Variants in AKT3 observed in about 807,000 individuals in gnomAD.
AKT3 encodes the protein AKT serine/threonine kinase 3.
Under a neutral mutation model 65.3 loss-of-function variants are expected in AKT3, and 15 were observed. The ratio of observed to expected loss-of-function variants is 0.23; its 90% CI spans 0.15 to 0.35. The LOEUF (loss-of-function observed/expected upper bound fraction) is 0.35, where lower values mean the gene tolerates loss of function less well. Among genes scored for constraint, AKT3 ranks in the 10% least tolerant of loss-of-function variants. The pLI is 1.00. For missense variants in AKT3, 243 were observed against 576.5 expected, an observed-to-expected ratio of 0.42 and a Z score of 5.92; for synonymous variants, 206 against 183.8, an observed-to-expected ratio of 1.12 and a Z score of -0.98.
At chr1:243,686,645 A>AT in intron 3 of AKT3, among the ~76,000 whole-genome samples, 1 of 22,008 alleles carries the variant, frequency 4.5e-5, no homozygotes. Context: ...ATATATATAT[A>AT]TATATATTTT....
intron 11 of AKT3, among the ~76,000 whole-genome samples, chr1:243,552,336 C>T (rs1045136245): frequency 8.6e-6 from 1 of 116,166 alleles, no homozygotes; most frequent in Non-Finnish European, 1.8e-5. Context: ...TATGTTAACA[C>T]AGGTTGCGGG....
At chr1:243,725,831 G>T (rs1402947163) in intron 2 of AKT3, among the ~76,000 whole-genome samples, 1 of 152,168 alleles carries the variant, frequency 6.6e-6, no homozygotes, top group Non-Finnish European at 1.5e-5. Context: ...ATGGCTAAAA[G>T]ATGTCACAGT....
chr1:243,607,000 A>C (rs1677478668), intron 8 of AKT3, among the ~76,000 whole-genome samples: 1 of 152,170 alleles, frequency 6.6e-6, no homozygotes, highest in Admixed American at 6.5e-5. Context: ...TGTGCAGAAG[A>C]CAAGAATTAA....
At chr1:243,837,500 C>T (rs1694963528) in intron 2 of AKT3, among the ~76,000 whole-genome samples, 1 of 152,176 alleles carries the variant, frequency 6.6e-6, no homozygotes, top group African/African-American at 2.4e-5. Context: ...CAGATCAATA[C>T]TCTTGTAAAT....
At chr1:243,551,483 A>G (rs74153911) in intron 11 of AKT3, among the ~76,000 whole-genome samples, 1,538 of 152,198 alleles carry the variant, frequency 0.01, 20 homozygotes, top group African/African-American at 0.035. Flanking sequence ...TACAAGGTTA[A>G]AAGCTAGAAG....
intron 2 of AKT3, among the ~76,000 whole-genome samples, chr1:243,745,073 T>A (rs1000667323): frequency 6.6e-6 from 1 of 152,148 alleles, no homozygotes; most frequent in African/African-American, 2.4e-5. Flanking sequence ...AGGCCTGTAA[T>A]CCTAGCAGGA....
At chr1:243,577,476 G>A (rs537189016) in intron 8 of AKT3, among the ~76,000 whole-genome samples, 1 of 152,086 alleles carries the variant, frequency 6.6e-6, no homozygotes, top group African/African-American at 2.4e-5. Flanking sequence ...ATGGTGTTGG[G>A]AGAACTAGCT....
intron 4 of AKT3, among the ~76,000 whole-genome samples, chr1:243,657,299 G>C (rs1346530326): frequency 2.0e-5 from 3 of 152,128 alleles, no homozygotes; most frequent in Non-Finnish European, 4.4e-5. Context: ...CTGGCCTCCA[G>C]AACTGTAAGA....
chr1:243,528,714 A>G (rs964602525), intron 12 of AKT3, among the ~76,000 whole-genome samples: 1 of 152,110 alleles, frequency 6.6e-6, no homozygotes, highest in Non-Finnish European at 1.5e-5. Flanking sequence ...TCTTTATCCA[A>G]TCTGTAATTG....
intron 8 of AKT3, among the ~76,000 whole-genome samples, chr1:243,604,018 C>T (rs1320598812): frequency 6.6e-6 from 1 of 151,606 alleles, no homozygotes; most frequent in Non-Finnish European, 1.5e-5. Context: ...GCCTCAGCCT[C>T]CCAAGTAGCT....
chr1:243,578,561 GAAA>G (rs1675112012), intron 8 of AKT3, among the ~76,000 whole-genome samples: 1 of 152,116 alleles, frequency 6.6e-6, no homozygotes, highest in Non-Finnish European at 1.5e-5. Context: ...AGATCATCAG[GAAA>G]AATGGCTAAT....
intron 12 of AKT3, among the ~76,000 whole-genome samples, chr1:243,542,431 C>T (rs1441011125): frequency 6.6e-6 from 1 of 152,072 alleles, no homozygotes; most frequent in Non-Finnish European, 1.5e-5. Context: ...TTTTACTTTG[C>T]CTAGAAAGAG....
intron 12 of AKT3, among the ~76,000 whole-genome samples, chr1:243,536,030 A>G (rs1671902384): frequency 6.6e-6 from 1 of 152,084 alleles, no homozygotes; most frequent in African/African-American, 2.4e-5. Flanking sequence ...TTTTCTTTCG[A>G]GAAATGTGTA....
intron 1 of AKT3, among the ~76,000 whole-genome samples, chr1:243,847,875 CAT>C (rs1195318445): frequency 6.6e-6 from 1 of 152,058 alleles, no homozygotes; most frequent in Non-Finnish European, 1.5e-5. Context: ...AGTACTCTGA[CAT>C]ATACAATTTA....
intron 4 of AKT3, among the ~76,000 whole-genome samples, chr1:243,654,320 C>T (rs959857806): frequency 1.3e-5 from 2 of 152,134 alleles, no homozygotes; most frequent in Admixed American, 6.5e-5. Context: ...TAAAACACAA[C>T]ATAAATTATT....
At chr1:243,721,081 TCCTCACCAAAGCAGATAATAAAGACTA>T (rs1686865683) in intron 2 of AKT3, among the ~76,000 whole-genome samples, 1 of 151,978 alleles carries the variant, frequency 6.6e-6, no homozygotes. Context: ...CCAGAATTCC[TCCTCACCAAAGCAGATAATAAAGACTA>T]GATCTCTCTT....
Position 243,781,412 on chromosome 1 carries a change from TG to T in AKT3, c.46+61712del, listed in dbSNP as rs536795739. ...TTCACATTTTCCTCCTCTTTTTATT[TG>T]TTCTTAGCCATTTGTACTTCCCTCC... On this transcript the variant is annotated intron_variant, in intron 2 of 13. Transcript: ENST00000673466. Among the ~76,000 whole-genome samples the T allele has an allele frequency of 7.7e-4, 118 of 152,348 alleles. 1 individual carries two copies. The highest frequency in any genetic ancestry group is 2.8e-3 in the African/African-American group (115 of 41,584).
At chr1:243,492,611 T>TG (rs1553382525) in intron 13 of AKT3, among the ~76,000 whole-genome samples, 4 of 142,644 alleles carry the variant, frequency 2.8e-5, no homozygotes, top group African/African-American at 1.0e-4. Context: ...GCTGTTTTTT[T>TG]TTTTTTTTTT....
At chr1:243,832,162 A>G in intron 2 of AKT3, among the ~76,000 whole-genome samples, 1 of 83,316 alleles carries the variant, frequency 1.2e-5, no homozygotes, top group South Asian at 4.0e-4. Context: ...AAAAAAAAAA[A>G]AAGACTAGAT....
Sources: gnomAD v4.1 joint callset for allele counts (sites outside exome capture counted in the v4.1 genomes callset) on GRCh38, gnomAD v4.1.1 for gene constraint, MANE v1.5 for transcripts, NCBI Gene and HGNC (gene_info 2026-07-23, HGNC 2026-07-21) for gene names.